The following DIAPH3 variants were observed in gnomAD, a reference collection of about 807,000 sequenced individuals.
The protein encoded by DIAPH3 is protein diaphanous homolog 3.
Under a neutral mutation model 144.3 loss-of-function variants are expected in DIAPH3, and 117 were observed. The ratio of observed to expected loss-of-function variants is 0.81; its 90% CI spans 0.70 to 0.95. The LOEUF (loss-of-function observed/expected upper bound fraction) is 0.95. DIAPH3 is among the 40% of genes least tolerant of loss of function. The probability of loss-of-function intolerance (pLI) is 0.00; values close to 1 mark genes in which losing one functional copy is unlikely to be tolerated. For synonymous variants in DIAPH3, 519 were observed against 488.9 expected, an observed-to-expected ratio of 1.06 and a Z score of -0.81; for missense variants, 1,421 against 1,412.7, an observed-to-expected ratio of 1.01 and a Z score of -0.09.
chr13:60,145,887 A>G (rs1377542404), intron 1 of DIAPH3, among the ~76,000 whole-genome samples: 1 of 152,206 alleles, frequency 6.6e-6, no homozygotes, highest in African/African-American at 2.4e-5. Flanking sequence ...CTGAAACATA[A>G]GCCAAAATTA....
intron 24 of DIAPH3, 50 bp downstream of exon 24, chr13:59,833,056 TA>T (rs1339798950): frequency 3.7e-6 from 5 of 1,345,416 alleles, no homozygotes; most frequent in Non-Finnish European, 5.2e-6. Context: ...AGATAATAGA[TA>T]AGATAGTATA....
At chr13:59,828,643 A>AC (rs908423210) in intron 24 of DIAPH3, among the ~76,000 whole-genome samples, 20 of 151,030 alleles carry the variant, frequency 1.3e-4, no homozygotes, top group African/African-American at 4.9e-4. Flanking sequence ...AAAAAAAAAA[A>AC]AAAACACTGA....
intron 9 of DIAPH3, among the ~76,000 whole-genome samples, chr13:60,001,959 TGGGAGG>T (rs1447146872): frequency 6.6e-6 from 1 of 152,174 alleles, no homozygotes; most frequent in Non-Finnish European, 1.5e-5. Context: ...ACATCAGCCC[TGGGAGG>T]CAATCAGGTC....
intron 27 of DIAPH3, among the ~76,000 whole-genome samples, chr13:59,761,956 C>G (rs1014592402): frequency 6.6e-6 from 1 of 150,808 alleles, no homozygotes. Context: ...TTCCTTACAA[C>G]TTGGGTTTCT....
At chr13:59,830,821 T>C (rs2041735536) in intron 24 of DIAPH3, among the ~76,000 whole-genome samples, 1 of 152,032 alleles carries the variant, frequency 6.6e-6, no homozygotes, top group African/African-American at 2.4e-5. Flanking sequence ...ATCTAAAATA[T>C]GTATACTTTA....
chr13:59,993,025 A>G (rs1387971115), intron 9 of DIAPH3, among the ~76,000 whole-genome samples: 1 of 151,844 alleles, frequency 6.6e-6, no homozygotes, highest in Admixed American at 6.6e-5. Context: ...AGTCCCAAAG[A>G]CTTCAAGGTC....
chr13:60,032,545 G>A (rs986931146), intron 5 of DIAPH3, among the ~76,000 whole-genome samples: 2 of 152,230 alleles, frequency 1.3e-5, no homozygotes, highest in African/African-American at 4.8e-5. Context: ...TGTGGCCCAA[G>A]CTGTACCAGG....
chr13:59,773,637 G>A (rs568717631), intron 27 of DIAPH3, among the ~76,000 whole-genome samples: 46 of 152,318 alleles, frequency 3.0e-4, no homozygotes, highest in African/African-American at 1.1e-3. Context: ...TGGAGGACTG[G>A]TTAGAGATTT....
rs145037054 is a variant in DIAPH3 at position 60,159,296 on chromosome 13, A to G, written c.180+4291T>C. Among the ~76,000 whole-genome samples the G allele has an allele frequency of 2.2e-3, 336 of 152,298 alleles. 4 individuals are homozygous for G. Among genetic ancestry groups the G allele is most frequent in the African/African-American group, 7.8e-3 (323 of 41,554 alleles). ...GAAGCAGTAAAGATTAAAGTTCCCAACAGCTATGGGAGAGAATTCAGGACA... is the reference window on the plus strand; with the variant it reads ...GAAGCAGTAAAGATTAAAGTTCCCAGCAGCTATGGGAGAGAATTCAGGACA... On this transcript the variant is annotated intron_variant, in intron 1 of 27. Transcript: ENST00000400324.
intron 21 of DIAPH3, among the ~76,000 whole-genome samples, chr13:59,864,124 G>GA (rs1940319685): frequency 6.6e-6 from 1 of 151,954 alleles, no homozygotes; most frequent in Non-Finnish European, 1.5e-5. Flanking sequence ...GGGTCAGTTG[G>GA]AATCATTCTA....
intron 27 of DIAPH3, among the ~76,000 whole-genome samples, chr13:59,748,096 T>C (rs1345435120): frequency 6.6e-6 from 1 of 152,182 alleles, no homozygotes; most frequent in Non-Finnish European, 1.5e-5. Flanking sequence ...GTGGCTCTGA[T>C]TCTGCCCCTG....
At chr13:60,013,995 G>C (rs1466455492) in intron 7 of DIAPH3, among the ~76,000 whole-genome samples, 2 of 151,854 alleles carry the variant, frequency 1.3e-5, no homozygotes, top group Non-Finnish European at 2.9e-5. Flanking sequence ...TAAACTACAA[G>C]CAACAAAAAT....
intron 27 of DIAPH3, among the ~76,000 whole-genome samples, chr13:59,773,711 A>G (rs767826633): frequency 3.3e-5 from 5 of 152,222 alleles, no homozygotes; most frequent in African/African-American, 7.2e-5. Flanking sequence ...TAGTGATTTT[A>G]TCACATCCTT....
chr13:59,770,472 T>C (rs1376803800), intron 27 of DIAPH3, among the ~76,000 whole-genome samples: 1 of 152,122 alleles, frequency 6.6e-6, no homozygotes, highest in Admixed American at 6.6e-5. Flanking sequence ...TAAAAACATC[T>C]TCAGGGCAGT....
chr13:59,703,180 T>C (rs67744587), intron 27 of DIAPH3, among the ~76,000 whole-genome samples: 23,998 of 152,262 alleles, frequency 0.16, 2,278 homozygotes, highest in South Asian at 0.25. Flanking sequence ...AATGGCTAGC[T>C]CAACTTGAGA....
intron 4 of DIAPH3, among the ~76,000 whole-genome samples, chr13:60,087,582 T>C (rs1190066258): frequency 6.6e-6 from 1 of 152,160 alleles, no homozygotes; most frequent in Non-Finnish European, 1.5e-5. Flanking sequence ...AACTTTCACA[T>C]TTAAAAAGTC....
chr13:59,996,449 G>A (rs2052193794), intron 9 of DIAPH3, among the ~76,000 whole-genome samples: 1 of 152,024 alleles, frequency 6.6e-6, no homozygotes, highest in South Asian at 2.1e-4. Flanking sequence ...GGTCTTCTGT[G>A]AGAAAAGGTA....
At chr13:60,098,571 T>A (rs1215475782) in intron 3 of DIAPH3, among the ~76,000 whole-genome samples, 1 of 151,800 alleles carries the variant, frequency 6.6e-6, no homozygotes, top group Admixed American at 6.6e-5. Context: ...TTCTTTCAAA[T>A]TGAAAGAATA....
intron 2 of DIAPH3, among the ~76,000 whole-genome samples, chr13:60,128,156 C>G (rs1161627063): frequency 6.6e-6 from 1 of 152,072 alleles, no homozygotes; most frequent in South Asian, 2.1e-4. Context: ...TGAGAACATG[C>G]AGTATTTGGT....
Sources: allele counts gnomAD v4.1 joint callset (sites outside exome capture counted in the v4.1 genomes callset), GRCh38; gene constraint gnomAD v4.1.1; transcripts MANE v1.5; gene names NCBI Gene and HGNC (gene_info 2026-07-23, HGNC 2026-07-21).